APBA1: variants seen among roughly 807,000 people sequenced by gnomAD.
APBA1 encodes amyloid-beta A4 precursor protein-binding family A member 1.
A neutral mutation model predicts 86.6 loss-of-function variants in APBA1; 55 were observed. That is an observed-to-expected ratio of 0.64 (90% CI 0.51 to 0.80). The LOEUF is 0.80. Ranked by LOEUF, APBA1 falls within the 30% of genes least tolerant of loss-of-function variation. The pLI, the probability that APBA1 is intolerant of heterozygous loss-of-function variation, is 0.00. For synonymous variants in APBA1, 511 were observed against 493.9 expected (o/e 1.03, Z -0.46); for missense variants, 1,090 against 1,183.0 (o/e 0.92, Z 1.15).
chr9:69,617,159 C>G (rs1576507), intron 1 of APBA1, among the ~76,000 whole-genome samples: 43,844 of 152,038 alleles, frequency 0.29, 7,458 homozygotes, highest in East Asian at 0.42. Context: ...CTCAAAACAA[C>G]TATATAACCC....
chr9:69,436,522 T>C (rs1834723324), intron 11 of APBA1, among the ~76,000 whole-genome samples: 1 of 151,008 alleles, frequency 6.6e-6, no homozygotes, highest in African/African-American at 2.4e-5. Flanking sequence ...TTCCTAGGTA[T>C]TGTATTCTCT....
At chr9:69,598,801 T>C (rs1164621633) in intron 1 of APBA1, among the ~76,000 whole-genome samples, 1 of 152,218 alleles carries the variant, frequency 6.6e-6, no homozygotes, top group Non-Finnish European at 1.5e-5. Context: ...GGTTTCAAGT[T>C]ATAGTCCGCC....
intron 1 of APBA1, among the ~76,000 whole-genome samples, chr9:69,660,664 A>G (rs188465095): frequency 6.6e-6 from 1 of 152,364 alleles, no homozygotes; most frequent in East Asian, 1.9e-4. Context: ...ACTAGAGAAT[A>G]GGTGGAATTT....
At chr9:69,640,098 A>C (rs1823256560) in intron 1 of APBA1, among the ~76,000 whole-genome samples, 1 of 152,180 alleles carries the variant, frequency 6.6e-6, no homozygotes. Context: ...GGGAAAAGAC[A>C]GATAACAGAA....
At chr9:69,454,892 G>GGCCTCAGCTTT (rs1163004371) in intron 8 of APBA1, among the ~76,000 whole-genome samples, 1 of 152,108 alleles carries the variant, frequency 6.6e-6, no homozygotes, top group Non-Finnish European at 1.5e-5. Context: ...TTTGCATGTT[G>GGCCTCAGCTTT]GCCTCAGCTT....
intron 1 of APBA1, among the ~76,000 whole-genome samples, chr9:69,542,694 G>T (rs1462923545): frequency 6.6e-6 from 1 of 152,196 alleles, no homozygotes; most frequent in Non-Finnish European, 1.5e-5. Context: ...GTTTTGTTAA[G>T]AAACTGCCAA....
chr9:69,436,969 A>G (rs1834735606), intron 11 of APBA1, among the ~76,000 whole-genome samples: 1 of 152,122 alleles, frequency 6.6e-6, no homozygotes, highest in Non-Finnish European at 1.5e-5. Context: ...TAATTTATTG[A>G]GAGTTTTTTA....
chr9:69,587,942 T>A (rs1194219097), intron 1 of APBA1, among the ~76,000 whole-genome samples: 1 of 151,050 alleles, frequency 6.6e-6, no homozygotes, highest in Non-Finnish European at 1.5e-5. Context: ...AGGAGAATCG[T>A]TTGAACCCGG....
chr9:69,656,839 C>CTTTTT (rs55751456), intron 1 of APBA1, among the ~76,000 whole-genome samples: 2 of 134,734 alleles, frequency 1.5e-5, no homozygotes, highest in African/African-American at 2.8e-5. Flanking sequence ...ACCGGGAGAT[C>CTTTTT]TTTTTTTTTT....
intron 1 of APBA1, among the ~76,000 whole-genome samples, chr9:69,590,335 C>T (rs143004400): frequency 4.1e-4 from 62 of 152,238 alleles, no homozygotes; most frequent in Middle Eastern, 3.4e-3. Flanking sequence ...TTGTGTTAGG[C>T]GAGGAAACAG....
chr9:69,563,661 T>A (rs76884296), intron 1 of APBA1, among the ~76,000 whole-genome samples: 1 of 152,052 alleles, frequency 6.6e-6, no homozygotes, highest in Non-Finnish European at 1.5e-5. Context: ...TTTTTTTTTT[T>A]AATTTGCTAG....
rs533393194 is a variant in APBA1, at chr9:69,490,035, T to C, written c.1201-13892A>G. Among the ~76,000 whole-genome samples the C allele has an allele frequency of 8.3e-3, 1,268 of 152,234 alleles. 19 individuals are homozygous for C. The highest frequency in any genetic ancestry group is 0.029 in the African/African-American group (1,188 of 41,542). On this transcript the variant is annotated intron_variant, in intron 2 of 12. Coordinates refer to ENST00000265381, the MANE Select transcript of APBA1 (RefSeq NM_001163.4). ...AAAGACACATGCACACGTATGTTTA[T>C]TGCAGCACTATTCACAATAGCAAAG...
intron 5 of APBA1, among the ~76,000 whole-genome samples, chr9:69,459,700 T>G (rs1331638469): frequency 1.3e-5 from 2 of 152,358 alleles, no homozygotes; most frequent in East Asian, 3.9e-4. Context: ...GCTCTGCCAC[T>G]TACTAGCTGT....
At chr9:69,511,241 C>T (rs1836033324) in intron 2 of APBA1, among the ~76,000 whole-genome samples, 1 of 152,174 alleles carries the variant, frequency 6.6e-6, no homozygotes, top group Non-Finnish European at 1.5e-5. Flanking sequence ...AACCAAACAA[C>T]CCCATCAAAA....
At chr9:69,639,364 T>C (rs1405778552) in intron 1 of APBA1, among the ~76,000 whole-genome samples, 1 of 152,176 alleles carries the variant, frequency 6.6e-6, no homozygotes, top group Non-Finnish European at 1.5e-5. Context: ...TCCCAATAGA[T>C]TGAGGTCATT....
chr9:69,620,247 G>A (rs563107666), intron 1 of APBA1, among the ~76,000 whole-genome samples: 5 of 152,234 alleles, frequency 3.3e-5, no homozygotes, highest in South Asian at 2.1e-4. Context: ...AATTCTAGCC[G>A]CATTTTCCCC....
intron 1 of APBA1, among the ~76,000 whole-genome samples, chr9:69,544,267 T>C (rs539320510): frequency 6.6e-6 from 1 of 152,358 alleles, no homozygotes; most frequent in South Asian, 2.1e-4. Flanking sequence ...AAATTACAAG[T>C]CATGCTTAAA....
intron 1 of APBA1, among the ~76,000 whole-genome samples, chr9:69,656,011 A>G (rs1374925262): frequency 6.6e-6 from 1 of 152,234 alleles, no homozygotes; most frequent in East Asian, 1.9e-4. Flanking sequence ...TGTATCCCAT[A>G]CATGTACAAT....
chr9:69,590,051 A>G (rs1173045665), intron 1 of APBA1, among the ~76,000 whole-genome samples: 1 of 152,096 alleles, frequency 6.6e-6, no homozygotes, highest in Non-Finnish European at 1.5e-5. Flanking sequence ...CAGTCCTTTA[A>G]GCCTCAGCTC....
Sources: allele counts gnomAD v4.1 joint callset (sites outside exome capture counted in the v4.1 genomes callset), GRCh38; gene constraint gnomAD v4.1.1; transcripts MANE v1.5; gene names NCBI Gene and HGNC (gene_info 2026-07-23, HGNC 2026-07-21).